Variants in ADGRL2 observed in about 807,000 individuals in gnomAD.
ADGRL2 encodes the protein adhesion G protein-coupled receptor L2.
In ADGRL2, 44 loss-of-function variants were observed where a neutral mutation model predicts 157.4. The ratio of observed to expected loss-of-function variants is 0.28; its 90% confidence interval spans 0.22 to 0.36. The LOEUF (loss-of-function observed/expected upper bound fraction) is 0.36, where lower values mean the gene tolerates loss of function less well. Ranked by LOEUF, ADGRL2 falls within the 10% of genes least tolerant of loss-of-function variation. ADGRL2 has a pLI of 1.00. For synonymous variants in ADGRL2, 585 were observed against 624.7 expected (o/e 0.94, Z 0.95); for missense variants, 1,510 against 1,768.9 (o/e 0.85, Z 2.63).
In ADGRL2 at chr1:81,992,168, T is replaced by A. The variant is rs1459747011; in HGVS notation, c.*1023T>A. 6.6e-6 allele frequency: 1 copy of A among 152,612 alleles called. No homozygotes were observed. The highest frequency in any genetic ancestry group is 1.5e-5 in the Non-Finnish European group (1 of 68,024). The allele number at this position is 152,612 out of a possible 1,614,324, so 9.5% of individuals were successfully genotyped here. A position where few individuals can be genotyped will look rare whatever the true frequency, so the allele number is the denominator to read the frequency against. On this transcript the variant is annotated 3_prime_UTR_variant, in exon 24 of 24. Coordinates refer to ENST00000686636, the MANE Select transcript of ADGRL2 (RefSeq NM_001366006.2). ...CACTGGGCACTTCTCACAAACTTTC[T>A]AGTGAACAAAAGGTGCCTATTCTTT...
chr1:81,616,679 C>CTTTTTTCT (rs2081659442), intron 3 of ADGRL2, among the ~76,000 whole-genome samples: 8 of 105,988 alleles, frequency 7.5e-5, no homozygotes, highest in African/African-American at 2.2e-4. Flanking sequence ...CTTTTCTTTT[C>CTTTTTTCT]TTTTTTTTTT....
At chr1:81,339,783 A>T (rs1570663074) in intron 1 of ADGRL2, among the ~76,000 whole-genome samples, 1 of 152,138 alleles carries the variant, frequency 6.6e-6, no homozygotes, top group Non-Finnish European at 1.5e-5. Flanking sequence ...ACCTTTGTAC[A>T]TTCTGAACCT....
intron 2 of ADGRL2, among the ~76,000 whole-genome samples, chr1:81,483,481 T>G (rs2078434537): frequency 6.6e-6 from 1 of 152,218 alleles, no homozygotes; most frequent in Non-Finnish European, 1.5e-5. Flanking sequence ...GAGCTAATTC[T>G]TATCTGATAA....
intron 2 of ADGRL2, among the ~76,000 whole-genome samples, chr1:81,558,615 T>G (rs572834710): frequency 6.6e-6 from 1 of 152,274 alleles, no homozygotes; most frequent in African/African-American, 2.4e-5. Context: ...TTGCCTCAGC[T>G]ATTGAAATTT....
intron 3 of ADGRL2, among the ~76,000 whole-genome samples, chr1:81,605,030 G>A (rs2081405387): frequency 6.6e-6 from 1 of 152,010 alleles, no homozygotes; most frequent in Non-Finnish European, 1.5e-5. Flanking sequence ...TGAAATAATA[G>A]CTCAGGTCTT....
At chr1:81,518,406 C>G (rs949805461) in intron 2 of ADGRL2, among the ~76,000 whole-genome samples, 3 of 152,146 alleles carry the variant, frequency 2.0e-5, no homozygotes, top group African/African-American at 7.2e-5. Flanking sequence ...TCTGTTAAAC[C>G]TCACTTCAAG....
chr1:81,366,504 T>C (rs2076069405), intron 1 of ADGRL2, among the ~76,000 whole-genome samples: 1 of 152,156 alleles, frequency 6.6e-6, no homozygotes, highest in Non-Finnish European at 1.5e-5. Context: ...TCTAGTTTTC[T>C]AGCTTTACTC....
intron 2 of ADGRL2, among the ~76,000 whole-genome samples, chr1:81,491,097 C>T (rs909667142): frequency 6.6e-6 from 1 of 152,090 alleles, no homozygotes; most frequent in Non-Finnish European, 1.5e-5. Flanking sequence ...GGGATTAAAT[C>T]CCACCCCCTT....
intron 2 of ADGRL2, among the ~76,000 whole-genome samples, chr1:81,903,952 T>A (rs2094539419): frequency 6.6e-6 from 1 of 151,678 alleles, no homozygotes; most frequent in South Asian, 2.1e-4. Flanking sequence ...AAATTGACAA[T>A]TTAAATATTT....
chr1:81,481,579 G>A (rs1034701045), intron 2 of ADGRL2, among the ~76,000 whole-genome samples: 3 of 152,132 alleles, frequency 2.0e-5, no homozygotes, highest in East Asian at 1.9e-4. Flanking sequence ...GTCGTGTTTC[G>A]TTAATCTGGG....
At chr1:81,344,155 G>A (rs575355911) in intron 1 of ADGRL2, among the ~76,000 whole-genome samples, 76 of 152,086 alleles carry the variant, frequency 5.0e-4, no homozygotes, top group African/African-American at 1.5e-3. Context: ...TGCAACCTCC[G>A]CCTCCCAGGT....
rs191943827 is a variant in ADGRL2, at chr1:81,727,968, T to C, written c.-143+28160T>C. Among the ~76,000 whole-genome samples, 45 of 152,250 alleles carry C rather than the reference T, an allele frequency of 3.0e-4. No individual in the cohort carries two copies. The South Asian group carries it at 3.1e-3, about 11-fold the overall frequency. ...TGCTAAATACCAGTGTGTAGGACAA[T>C]GTTTAACACCTAGAGTATATTTAAT... On this transcript the variant is annotated intron_variant, in intron 1 of 20. Transcript: ENST00000359929.
chr1:81,471,514 C>T (rs905438282), intron 2 of ADGRL2, among the ~76,000 whole-genome samples: 8 of 152,062 alleles, frequency 5.3e-5, no homozygotes, highest in East Asian at 1.9e-4. Context: ...GATTAAATAA[C>T]GTACTCCCTT....
chr1:81,388,275 A>T (rs10874231), intron 1 of ADGRL2, among the ~76,000 whole-genome samples: 64,937 of 151,938 alleles, frequency 0.43, 15,242 homozygotes, highest in East Asian at 0.87. Flanking sequence ...GAGGCCTAGC[A>T]TGGAAGTGCC....
At chr1:81,807,022 A>G (rs1469874332) in intron 1 of ADGRL2, among the ~76,000 whole-genome samples, 2 of 152,024 alleles carry the variant, frequency 1.3e-5, no homozygotes, top group Non-Finnish European at 2.9e-5. Context: ...AATTATTTTT[A>G]AGGTAATATA....
At chr1:81,874,635 T>TGTCCTGTCCTGTCCTGTCCTGTCC (rs1557823247) in intron 2 of ADGRL2, among the ~76,000 whole-genome samples, 2 of 112,770 alleles carry the variant, frequency 1.8e-5, no homozygotes, top group Non-Finnish European at 4.1e-5. Flanking sequence ...TTGTCTTGTC[T>TGTCCTGTCCTGTCCTGTCCTGTCC]TGTCCTGTCC....
intron 3 of ADGRL2, among the ~76,000 whole-genome samples, chr1:81,640,231 G>A (rs1386954732): frequency 1.3e-5 from 2 of 152,028 alleles, no homozygotes; most frequent in Non-Finnish European, 2.9e-5. Flanking sequence ...GCCTATAAAT[G>A]GCAAAATGAT....
intron 1 of ADGRL2, chr1:81,427,247 A>C: frequency 2.6e-6 from 2 of 757,622 alleles, no homozygotes; most frequent in Non-Finnish European, 4.8e-6. Flanking sequence ...AGGTGGTGGC[A>C]GCGGAAATAG....
intron 3 of ADGRL2, among the ~76,000 whole-genome samples, chr1:81,691,878 GTGTATATA>G (rs1169288255): frequency 8.2e-6 from 1 of 122,446 alleles, no homozygotes; most frequent in Non-Finnish European, 1.7e-5. Context: ...GTGTGTGTGT[GTGTATATA>G]TATATATATG....
Sources: allele counts gnomAD v4.1 joint callset (sites outside exome capture counted in the v4.1 genomes callset), GRCh38; gene constraint gnomAD v4.1.1; transcripts MANE v1.5; gene names NCBI Gene and HGNC (gene_info 2026-07-23, HGNC 2026-07-21).